Variants in ABCA4 observed in about 807,000 individuals in gnomAD.
ABCA4 encodes the protein retinal-specific phospholipid-transporting ATPase ABCA4.
A neutral mutation model predicts 263.7 loss-of-function variants in ABCA4; 196 were observed. The observed-to-expected ratio is 0.74, with a 90% confidence interval of 0.66 to 0.84. The LOEUF (loss-of-function observed/expected upper bound fraction) is 0.84. ABCA4 is among the 40% of genes least tolerant of loss of function. The probability of loss-of-function intolerance (pLI) is 0.00; values close to 1 mark genes in which losing one functional copy is unlikely to be tolerated. For synonymous variants in ABCA4, 1,133 were observed against 1,094.2 expected (o/e 1.04, Z -0.70); for missense variants, 2,792 against 2,855.1 (o/e 0.98, Z 0.50).
intron 11 of ABCA4, among the ~76,000 whole-genome samples, chr1:94,074,537 C>T (rs1384720057): frequency 6.6e-6 from 1 of 152,232 alleles, no homozygotes; most frequent in African/African-American, 2.4e-5. Context: ...TAAAGAGCTT[C>T]TGCACAGCAA....
intron 23 of ABCA4, among the ~76,000 whole-genome samples, chr1:94,040,429 G>T (rs751077662): frequency 2.6e-5 from 4 of 152,094 alleles, no homozygotes; most frequent in Non-Finnish European, 5.9e-5. Flanking sequence ...GACATTCTGT[G>T]CCTCCCTCCC....
chr1:94,036,282 C>T (rs1660333533), intron 26 of ABCA4, among the ~76,000 whole-genome samples: 1 of 150,746 alleles, frequency 6.6e-6, no homozygotes. Flanking sequence ...TCCTTTGTCA[C>T]TCAAAGCCAT....
At chr1:94,091,550 A>C (rs1191237) in intron 6 of ABCA4, among the ~76,000 whole-genome samples, 1 of 151,186 alleles carries the variant, frequency 6.6e-6, no homozygotes, top group Non-Finnish European at 1.5e-5. Flanking sequence ...TGGAAAAAAA[A>C]GTCACAGATC....
intron 34 of ABCA4, 47 bp downstream of exon 34, chr1:94,021,593 T>G (rs1659899097): frequency 1.3e-6 from 2 of 1,550,808 alleles, no homozygotes; most frequent in African/African-American, 1.4e-5. Context: ...AATAACCAGC[T>G]CAGGTAAATT....
At chr1:94,061,883 G>A (rs1359652167) in intron 13 of ABCA4, among the ~76,000 whole-genome samples, 1 of 152,194 alleles carries the variant, frequency 6.6e-6, no homozygotes, top group African/African-American at 2.4e-5. Context: ...GAACTCAATT[G>A]TAGATCTCTG....
At chr1:94,048,727 T>C (rs1258856983) in intron 18 of ABCA4, 141 bp downstream of exon 18, 1 of 790,378 alleles carries the variant, frequency 1.3e-6, no homozygotes, top group East Asian at 2.7e-5. Flanking sequence ...TGAGAAGGGA[T>C]CTGGTTTAAC....
At chr1:94,028,930 A>AAACC (rs35998587) in intron 30 of ABCA4, among the ~76,000 whole-genome samples, 1 of 108,032 alleles carries the variant, frequency 9.3e-6, no homozygotes, top group Admixed American at 1.0e-4. Context: ...AAAAAAAAAA[A>AAACC]GAAATTCAAA....
chr1:94,100,793 TGAGTGACAACACA>T (rs1224266336), intron 5 of ABCA4, among the ~76,000 whole-genome samples: 1 of 152,172 alleles, frequency 6.6e-6, no homozygotes, highest in Non-Finnish European at 1.5e-5. Context: ...TCAATGAGCA[TGAGTGACAACACA>T]GAGGCGAGCT....
At chr1:94,079,021 C>G (rs1661613667) in intron 9 of ABCA4, among the ~76,000 whole-genome samples, 2 of 152,120 alleles carry the variant, frequency 1.3e-5, no homozygotes, top group Non-Finnish European at 2.9e-5. Flanking sequence ...TCCTCCCTGT[C>G]TTTATCTGAG....
intron 20 of ABCA4, 37 bp downstream of exon 20, chr1:94,044,576 G>GA (rs1660617704): frequency 6.2e-7 from 1 of 1,614,196 alleles, no homozygotes; most frequent in East Asian, 2.2e-5. Flanking sequence ...GAGGTGAGGA[G>GA]AGGGGATGGG....
intron 43 of ABCA4, among the ~76,000 whole-genome samples, chr1:94,006,306 T>G (rs1024259348): frequency 6.6e-6 from 1 of 152,192 alleles, no homozygotes; most frequent in Admixed American, 6.5e-5. Flanking sequence ...TTAAAACTAC[T>G]CAGGGAAGCA....
In ABCA4 at chr1:94,019,621, G is replaced by T; in HGVS notation, c.5157C>A (p.Ser1719Arg). 6.2e-7 allele frequency: 1 copy of T among 1,610,880 alleles called. No individual in the cohort carries two copies. The highest frequency in any genetic ancestry group is 8.5e-7 in the Non-Finnish European group (1 of 1,178,460). Residue 1719 changes from serine to arginine, a missense_variant, in exon 36 of 50, where the codon AGC becomes AGA. Transcript: ENST00000370225. ...AGTTGGTCACCCAGTAGGTGGTGGG[G>T]CTCACTCCACTGATAAACTGGAGGT... ...SKHLQFISGV[S>R]PTTYWVTNFL...
chr1:94,083,281 T>G, intron 7 of ABCA4, 71 bp downstream of exon 7: 1 of 1,275,096 alleles, frequency 7.8e-7, no homozygotes, highest in Non-Finnish European at 1.1e-6. Flanking sequence ...ACAATTAAAT[T>G]ATTTGACATA....
intron 1 of ABCA4, among the ~76,000 whole-genome samples, chr1:94,120,360 G>T (rs527661596): frequency 6.6e-6 from 1 of 152,290 alleles, no homozygotes; most frequent in African/African-American, 2.4e-5. Flanking sequence ...GGAAATGTGC[G>T]TGATGGTTAA....
intron 36 of ABCA4, among the ~76,000 whole-genome samples, chr1:94,019,052 G>A (rs6664390): frequency 0.58 from 69,909 of 119,778 alleles, 20,627 homozygotes; most frequent in African/African-American, 0.69. Flanking sequence ...TTTTAGTGTA[G>A]ATATGTCCTG....
chr1:94,102,971 C>A (rs1662323124), intron 5 of ABCA4, 44 bp downstream of exon 5: 2 of 1,613,774 alleles, frequency 1.2e-6, no homozygotes, highest in Non-Finnish European at 1.7e-6. Context: ...AGGCTGGGTG[C>A]TTCCCTCCCC....
rs1340209658 is a variant in ABCA4 at position 93,993,036 on chromosome 1, TC to T, written c.*200del. 7.7e-6 allele frequency: 5 copies of T among 649,782 alleles called. No individual in the cohort carries two copies. 40.3% of individuals were successfully genotyped at this position (649,782 alleles called of 1,614,324 possible). A position where few individuals can be genotyped will look rare whatever the true frequency, so the allele number is the denominator to read the frequency against. On this transcript the variant is annotated 3_prime_UTR_variant, in exon 50 of 50. Coordinates refer to ENST00000370225, the MANE Select transcript of ABCA4 (RefSeq NM_000350.3). ...TTTGTTTGGTTTCACCATCAGGTGT[TC>T]CAGGTGAGCAAGTCAGTTTCGGTTT...
At chr1:94,064,921 AC>A in intron 11 of ABCA4, among the ~76,000 whole-genome samples, 1 of 152,102 alleles carries the variant, frequency 6.6e-6, no homozygotes, top group East Asian at 1.9e-4. Context: ...GACTATGATC[AC>A]TGGTAGTGGA....
chr1:94,044,113 CCTTCCTTCCTCCCTTCCTT>C (rs1290438602), intron 20 of ABCA4, among the ~76,000 whole-genome samples: 2 of 2,074 alleles, frequency 9.6e-4, no homozygotes, highest in African/African-American at 1.1e-3. Flanking sequence ...TTCCTTCCTT[CCTTCCTTCCTCCCTTCCTT>C]CCTCCCTTCC....
Sources: allele counts gnomAD v4.1 joint callset (sites outside exome capture counted in the v4.1 genomes callset), GRCh38; gene constraint gnomAD v4.1.1; transcripts MANE v1.5; gene names NCBI Gene and HGNC (gene_info 2026-07-23, HGNC 2026-07-21).